Variants in C14orf39 observed in about 807,000 individuals in gnomAD.
The protein encoded by C14orf39 is protein SIX6OS1.
Under a neutral mutation model 85.6 loss-of-function variants are expected in C14orf39, and 66 were observed. The ratio of observed to expected loss-of-function variants is 0.77; its 90% CI spans 0.63 to 0.95. C14orf39 has a LOEUF of 0.95. Among genes scored for constraint, C14orf39 ranks in the 40% least tolerant of loss-of-function variants. The pLI is 0.00. For missense variants in C14orf39, 735 were observed against 663.9 expected, an observed-to-expected ratio of 1.11 and a Z score of -1.18; for synonymous variants, 242 against 214.0, an observed-to-expected ratio of 1.13 and a Z score of -1.14.
chr14:60,481,744 G>A (rs1892648928), intron 4 of C14orf39, among the ~76,000 whole-genome samples: 1 of 151,922 alleles, frequency 6.6e-6, no homozygotes, highest in Admixed American at 6.6e-5. Flanking sequence ...TATTAGACTT[G>A]TGTATTTTTT....
At chr14:60,478,829 G>C (rs1892514352) in intron 4 of C14orf39, among the ~76,000 whole-genome samples, 1 of 151,878 alleles carries the variant, frequency 6.6e-6, no homozygotes, top group African/African-American at 2.4e-5. Context: ...TTAACACTTA[G>C]AAAACAGGTG....
At chr14:60,470,512 A>T (rs1892026442) in intron 7 of C14orf39, among the ~76,000 whole-genome samples, 1 of 151,728 alleles carries the variant, frequency 6.6e-6, no homozygotes, top group East Asian at 1.9e-4. Context: ...AAATCTTCCT[A>T]CCTCCATTCA....
At chr14:60,496,026 G>A in intron 2 of C14orf39, 4 of 629,614 alleles carry the variant, frequency 6.4e-6, no homozygotes, top group Admixed American at 2.0e-5. Context: ...AGTTGTGAAA[G>A]GGATTTTGGC....
rs547386778 is a variant in C14orf39, at chr14:60,475,260, C to T, written c.323+3040G>A. On this transcript the variant is annotated intron_variant, in intron 5 of 17. Transcript: ENST00000321731. ...TCGGTGGTGATATCCCCTTTATCAT[C>T]TTTTATTGCATCTATTTGATTCTTC... Among the ~76,000 whole-genome samples, 891 of 152,060 alleles carry T rather than the reference C, an allele frequency of 5.9e-3. 15 individuals carry two copies. Among genetic ancestry groups the T allele is most frequent in the South Asian group, 0.033 (159 of 4,818 alleles).
intron 1 of C14orf39, chr14:60,512,817 T>C (rs577675285): frequency 2.0e-5 from 3 of 152,360 alleles, no homozygotes; most frequent in East Asian, 3.9e-4. Flanking sequence ...GTGAAACAGA[T>C]TGCATATTAT....
rs1043301537 is a variant in C14orf39 at position 60,481,882 on chromosome 14, T to C, written c.233+1809A>G. Among the ~76,000 whole-genome samples, 15 of 152,202 alleles carry C rather than the reference T, an allele frequency of 9.9e-5. 1 individual carries two copies. Among genetic ancestry groups the C allele is most frequent in the Admixed American group, 9.8e-4 (15 of 15,280 alleles). Reference sequence around the variant, plus strand: ...CTTATTTGACACTTTTCCTAGCTTATCCTTTTGTCTTTTATATCATTATAG... The same window carrying C: ...CTTATTTGACACTTTTCCTAGCTTACCCTTTTGTCTTTTATATCATTATAG... On this transcript the variant is annotated intron_variant, in intron 4 of 17. Transcript: ENST00000321731.
intron 13 of C14orf39, among the ~76,000 whole-genome samples, chr14:60,460,994 T>G (rs768184338): frequency 5.9e-5 from 9 of 151,612 alleles, no homozygotes; most frequent in Admixed American, 1.3e-4. Flanking sequence ...TTTACTGACA[T>G]AGAGAAATAA....
intron 16 of C14orf39, among the ~76,000 whole-genome samples, chr14:60,450,580 C>G (rs1008408825): frequency 1.3e-5 from 2 of 152,198 alleles, no homozygotes; most frequent in Admixed American, 6.5e-5. Context: ...TGCCTAGGGC[C>G]AGGGGAACTA....
Position 60,436,969 on chromosome 14 carries a change from C to T in C14orf39, c.1640G>A (p.Gly547Glu), listed in dbSNP as rs373621015. Residue 547 changes from glycine (G) to glutamate (E), a missense_variant, in exon 18 of 18, where the codon GGA (glycine) becomes GAA (glutamate). Transcript: ENST00000321731. ...AAAACTAAAATCATCTTTTCCAGCTCCAAATGTATGAGTTGAAGTGTCTGA... is the reference window on the plus strand; with the variant it reads ...AAAACTAAAATCATCTTTTCCAGCTTCAAATGTATGAGTTGAAGTGTCTGA... ...FPSDTSTHTFGAGKDDFSFPF... is the reference protein window; with the variant it reads ...FPSDTSTHTFEAGKDDFSFPF... 6.2e-7 allele frequency: 1 copy of T among 1,612,944 alleles called. No individual in the cohort carries two copies. Among genetic ancestry groups the T allele is most frequent in the Non-Finnish European group, 8.5e-7 (1 of 1,179,324 alleles).
intron 13 of C14orf39, among the ~76,000 whole-genome samples, chr14:60,459,315 A>G (rs761298670): frequency 5.3e-5 from 8 of 151,718 alleles, no homozygotes; most frequent in Non-Finnish European, 8.9e-5. Context: ...TTCTGCTTTC[A>G]TGTACAACCA....
At chr14:60,445,968 T>C (rs1297484555) in intron 16 of C14orf39, among the ~76,000 whole-genome samples, 1 of 152,050 alleles carries the variant, frequency 6.6e-6, no homozygotes, top group Non-Finnish European at 1.5e-5. Context: ...GACTACTGGA[T>C]AAATAACAAA....
At chr14:60,487,492 C>CGTGTGTGTGTGT (rs1308228152), upstream of C14orf39, among the ~76,000 whole-genome samples, 2,482 of 150,218 alleles carry the variant, frequency 0.017, 23 homozygotes, top group Middle Eastern at 0.031. Context: ...AATAAAAGTC[C>CGTGTGTGTGTGT]GTGTGTGTGT....
intron 1 of C14orf39, among the ~76,000 whole-genome samples, chr14:60,499,944 G>A (rs1893117007): frequency 6.6e-6 from 1 of 152,164 alleles, no homozygotes; most frequent in Non-Finnish European, 1.5e-5. Context: ...TAAAAAATGA[G>A]AAATTATTTT....
chr14:60,514,019 C>T (rs964703698), intron 1 of C14orf39, among the ~76,000 whole-genome samples: 2 of 152,180 alleles, frequency 1.3e-5, no homozygotes, highest in Non-Finnish European at 2.9e-5. Context: ...TGACACATTA[C>T]TTGTAAGATT....
At chr14:60,480,289 G>T (rs1439200685) in intron 4 of C14orf39, among the ~76,000 whole-genome samples, 1 of 152,096 alleles carries the variant, frequency 6.6e-6, no homozygotes, top group Non-Finnish European at 1.5e-5. Flanking sequence ...GGGCATGGTG[G>T]TGCATGCCTG....
chr14:60,442,008 G>T lies in C14orf39; in HGVS notation c.1561+66C>A. On this transcript the variant is annotated intron_variant, in intron 17 of 17. Transcript: ENST00000321731. ...ATTGAGCACCTAAGAAAATAAGTTA[G>T]AGAAACTAAATACTGTACTAATGAG... is the stretch of plus-strand genomic sequence containing the variant. 3 of 1,092,168 alleles carry T rather than the reference G, an allele frequency of 2.7e-6. No individual in the cohort carries two copies. The South Asian group carries it at 4.6e-5, about 17-fold the overall frequency. 67.7% of individuals were successfully genotyped at this position (1,092,168 alleles called of 1,614,324 possible). A position where few individuals can be genotyped will look rare whatever the true frequency, so the allele number is the denominator to read the frequency against.
At chr14:60,506,560 G>A (rs1893206249) in intron 1 of C14orf39, among the ~76,000 whole-genome samples, 1 of 152,150 alleles carries the variant, frequency 6.6e-6, no homozygotes, top group Non-Finnish European at 1.5e-5. Flanking sequence ...TGTGAAGCTG[G>A]TGAACAAATA....
intron 1 of C14orf39, among the ~76,000 whole-genome samples, chr14:60,513,963 A>G (rs756397980): frequency 6.6e-6 from 1 of 152,212 alleles, no homozygotes; most frequent in Non-Finnish European, 1.5e-5. Flanking sequence ...TGTTTCAACA[A>G]TCTGGATATT....
intron 16 of C14orf39, among the ~76,000 whole-genome samples, chr14:60,443,581 C>T (rs1470250005): frequency 6.6e-6 from 1 of 152,256 alleles, no homozygotes; most frequent in African/African-American, 2.4e-5. Context: ...TAGACTCAAA[C>T]TCTGTGAGCA....
Sources: gnomAD v4.1 joint callset for allele counts (sites outside exome capture counted in the v4.1 genomes callset) on GRCh38, gnomAD v4.1.1 for gene constraint, MANE v1.5 for transcripts, NCBI Gene and HGNC (gene_info 2026-07-23, HGNC 2026-07-21) for gene names.